The following PPARGC1B variants were observed in gnomAD, a reference collection of about 807,000 sequenced individuals.
The protein encoded by PPARGC1B is peroxisome proliferator-activated receptor gamma coactivator 1-beta.
Under a neutral mutation model 101.6 loss-of-function variants are expected in PPARGC1B, and 34 were observed. The observed-to-expected ratio is 0.33, with a 90% confidence interval of 0.25 to 0.45. The LOEUF (loss-of-function observed/expected upper bound fraction) is 0.45. Ranked by LOEUF, PPARGC1B falls within the 20% of genes least tolerant of loss-of-function variation. The probability of loss-of-function intolerance (pLI) is 1.00; values close to 1 mark genes in which losing one functional copy is unlikely to be tolerated. For synonymous variants in PPARGC1B, 548 were observed against 539.3 expected (o/e 1.02, Z -0.22); for missense variants, 1,234 against 1,317.6 (o/e 0.94, Z 0.98).
intron 1 of PPARGC1B, among the ~76,000 whole-genome samples, chr5:149,803,769 T>C (rs1757506650): frequency 6.6e-6 from 1 of 152,120 alleles, no homozygotes; most frequent in Non-Finnish European, 1.5e-5. Context: ...TGTGGAAACG[T>C]GTGATTCAGT....
chr5:149,821,892 T>A (rs1302726428), intron 2 of PPARGC1B, among the ~76,000 whole-genome samples: 2 of 152,180 alleles, frequency 1.3e-5, no homozygotes, highest in East Asian at 3.9e-4. Flanking sequence ...TAATAATCGA[T>A]TTTACAGACA....
intron 1 of PPARGC1B, among the ~76,000 whole-genome samples, chr5:149,749,133 G>A (rs975190735): frequency 2.0e-5 from 3 of 152,112 alleles, no homozygotes; most frequent in Non-Finnish European, 4.4e-5. Context: ...AATCGGTGGG[G>A]CCAGGCACCA....
chr5:149,837,182 A>G lies in PPARGC1B; in HGVS notation c.2618+109A>G. The G allele has an allele frequency of 6.8e-7, 1 of 1,470,120 alleles. No homozygotes were observed. Among genetic ancestry groups the G allele is most frequent in the East Asian group, 2.3e-5 (1 of 43,242 alleles). 91.1% of individuals were successfully genotyped at this position (1,470,120 alleles called of 1,614,324 possible). ...CCCTGGGAAGCTTGCTCTGAAACTG[A>G]GGCTGCATCTCCCAGTGTGGCCCAT... On this transcript the variant is annotated intron_variant, in intron 8 of 11. Coordinates refer to ENST00000309241, the MANE Select transcript of PPARGC1B (RefSeq NM_133263.4). The surrounding 1 kb of genome is among the most constrained non-coding windows in gnomAD (Gnocchi z 4.2).
chr5:149,755,450 G>A (rs1024837678), intron 1 of PPARGC1B, among the ~76,000 whole-genome samples: 10 of 152,076 alleles, frequency 6.6e-5, no homozygotes, highest in African/African-American at 2.4e-4. Flanking sequence ...ATACTTCAGA[G>A]CTGAAAGATG....
At chr5:149,792,082 CTGG>C (rs1423033620) in intron 1 of PPARGC1B, among the ~76,000 whole-genome samples, 2 of 151,944 alleles carry the variant, frequency 1.3e-5, no homozygotes. Context: ...ACAGAGTGGC[CTGG>C]GAGGGAAGGT....
At chr5:149,771,268 C>T (rs1191976755) in intron 1 of PPARGC1B, among the ~76,000 whole-genome samples, 1 of 152,236 alleles carries the variant, frequency 6.6e-6, no homozygotes, top group Non-Finnish European at 1.5e-5. Context: ...ACTGCACAGT[C>T]ATCCTGAGGA....
At position 149,843,531 on chromosome 5, in the gene PPARGC1B, A is replaced by G. The variant is rs187295016; in HGVS notation, c.2816+1154A>G. 7.2e-5 allele frequency among the ~76,000 whole-genome samples: 11 copies of G among 152,340 alleles called. No individual in the cohort carries two copies. The East Asian group carries it at 1.9e-3, about 27-fold the overall frequency. ...GATGTGGAGAAACTGGAACTCTTGT[A>G]TAGTGTTGGTGGGAATTTTAAATGA... On this transcript the variant is annotated intron_variant, in intron 10 of 11. Transcript: ENST00000309241.
chr5:149,834,759 G>C (rs1346554253), intron 6 of PPARGC1B, 49 bp downstream of exon 6: 1 of 1,551,316 alleles, frequency 6.4e-7, no homozygotes, highest in Admixed American at 1.7e-5. Context: ...ATTTTGTCTT[G>C]TTGGATGTGT....
intron 1 of PPARGC1B, among the ~76,000 whole-genome samples, chr5:149,820,232 G>C (rs576619911): frequency 2.6e-5 from 4 of 152,276 alleles, no homozygotes; most frequent in South Asian, 2.1e-4. Context: ...AGAGCAGCAG[G>C]GGGTTTTGTA....
At chr5:149,838,453 A>G (rs1012677114) in intron 8 of PPARGC1B, among the ~76,000 whole-genome samples, 66 of 152,180 alleles carry the variant, frequency 4.3e-4, no homozygotes, top group African/African-American at 1.4e-3. Flanking sequence ...TCCCGGGGGT[A>G]GCTTCTGCCC....
At chr5:149,788,603 G>C (rs2113247862) in intron 1 of PPARGC1B, among the ~76,000 whole-genome samples, 1 of 152,294 alleles carries the variant, frequency 6.6e-6, no homozygotes, top group African/African-American at 2.4e-5. Flanking sequence ...TATAAATCAT[G>C]CTGCTATAAA....
chr5:149,783,204 C>G (rs1756658152), intron 1 of PPARGC1B, among the ~76,000 whole-genome samples: 1 of 152,166 alleles, frequency 6.6e-6, no homozygotes, highest in African/African-American at 2.4e-5. Context: ...TTAATTTCCT[C>G]TAAGATGTGC....
intron 1 of PPARGC1B, among the ~76,000 whole-genome samples, chr5:149,738,690 G>A (rs541907719): frequency 5.1e-4 from 78 of 151,700 alleles, no homozygotes; most frequent in Non-Finnish European, 9.3e-4. Context: ...GCAACCTCCC[G>A]GGTTCAAGCG....
rs1339703407 is a variant in PPARGC1B, at chr5:149,820,578, A to G, written c.224A>G (p.Tyr75Cys). 6.2e-7 allele frequency: 1 copy of G among 1,613,272 alleles called. No homozygotes were observed. The change falls in exon 2 of 12, where the codon TAC becomes TGC. Residue 75 changes from tyrosine to cysteine, a missense_variant. Physicochemically the swap from Tyr to Cys is radical, Grantham distance 194. Coordinates refer to ENST00000309241, the MANE Select transcript of PPARGC1B (RefSeq NM_133263.4). ...PENSETEPNQ[Y>C]SPDDSELFQI... is the part of the protein sequence containing the mutation. Reference sequence around the variant, plus strand: ...AACTCAGAGACTGAACCCAACCAGTACAGCCCCGATGACTCCGAGCTCTTC... The same window carrying G: ...AACTCAGAGACTGAACCCAACCAGTGCAGCCCCGATGACTCCGAGCTCTTC...
At position 149,834,684 on chromosome 5, in the gene PPARGC1B, G is replaced by T; in HGVS notation, c.1716G>T (p.Arg572Ser). 1 of 1,613,492 alleles carries T rather than the reference G, an allele frequency of 6.2e-7. No individual in the cohort carries two copies. The highest frequency in any genetic ancestry group is 8.5e-7 in the Non-Finnish European group (1 of 1,179,418). Residue 572 changes from arginine to serine, a missense_variant, in exon 6 of 12, where the codon AGG becomes AGT. This residue lies in a region of PPARGC1B where 734 missense variants were observed against 768.4 expected (regional missense o/e 0.96). Coordinates refer to ENST00000309241, the MANE Select transcript of PPARGC1B (RefSeq NM_133263.4). ...CPQLPPRDSP[R>S]CLMLALSQSD... The stretch of plus-strand genomic sequence containing the variant: ...GTGTCTTCTTTTCAGACTCTCCCAG[G>T]TGCCTCATGCTGGCCTTGTCACAAA...
intron 1 of PPARGC1B, chr5:149,761,612 G>A (rs1755721392): frequency 6.6e-6 from 1 of 152,118 alleles, no homozygotes; most frequent in Admixed American, 6.6e-5. Context: ...AAGAAAATGT[G>A]GTATGTACAT....
intron 1 of PPARGC1B, among the ~76,000 whole-genome samples, chr5:149,759,904 G>A (rs373086332): frequency 3.4e-4 from 52 of 152,244 alleles, no homozygotes; most frequent in African/African-American, 1.2e-3. Flanking sequence ...GGCAGAGCTG[G>A]GATTTGAACC....
In PPARGC1B at chr5:149,799,684, C is replaced by CTTG. The variant is rs1459069676; in HGVS notation, c.79-20740_79-20738dup. On this transcript the variant is annotated intron_variant, in intron 1 of 11. Transcript: ENST00000309241. ...ATGGGCTTTTTTGTTTGTTTGTTTG[C>CTTG]TTGTTGTTGTTTTTTTTTTTTTTTT... 6.7e-4 allele frequency among the ~76,000 whole-genome samples: 72 copies of CTTG among 107,384 alleles called. 3 individuals are homozygous for CTTG. Among genetic ancestry groups the CTTG allele is most frequent in the South Asian group, 1.4e-3 (4 of 2,882 alleles). The allele number at this position is 107,384 out of a possible 152,430, so 70.4% of individuals were successfully genotyped here. A position where few individuals can be genotyped will look rare whatever the true frequency, so the allele number is the denominator to read the frequency against.
intron 1 of PPARGC1B, among the ~76,000 whole-genome samples, chr5:149,750,215 G>T (rs1296166517): frequency 6.6e-6 from 1 of 151,936 alleles, no homozygotes; most frequent in African/African-American, 2.4e-5. Context: ...AACCTCCCCA[G>T]TGAATCACGG....
Sources: gnomAD v4.1 joint callset for allele counts (sites outside exome capture counted in the v4.1 genomes callset) on GRCh38, gnomAD v4.1.1 for gene constraint, gnomAD v4.1.1 regional missense constraint, Gnocchi (gnomAD v3.1) non-coding constraint, MANE v1.5 for transcripts, NCBI Gene and HGNC (gene_info 2026-07-23, HGNC 2026-07-21) for gene names.